Variants in CENPI observed in about 807,000 individuals in gnomAD.
CENPI encodes the protein centromere protein I, also known as FSH primary response 1.
Under a neutral mutation model 60.4 loss-of-function variants are expected in CENPI, and 4 were observed. The ratio of observed to expected loss-of-function variants is 0.07; its 90% confidence interval spans 0.03 to 0.15. The LOEUF is 0.15. Ranked by LOEUF, CENPI falls within the 10% of genes least tolerant of loss-of-function variation. The probability of loss-of-function intolerance (pLI) is 1.00; values close to 1 mark genes in which losing one functional copy is unlikely to be tolerated. For missense variants in CENPI, 444 were observed against 534.5 expected (o/e 0.83, Z 1.67); for synonymous variants, 157 against 189.4 (o/e 0.83, Z 1.40).
At chrX:101,154,875 T>TTA (rs890206788) in intron 20 of CENPI, among the ~76,000 whole-genome samples, 1 of 111,911 alleles carries the variant, frequency 8.9e-6, no homozygotes, top group African/African-American at 3.2e-5. Flanking sequence ...CTTATTGCTA[T>TTA]TATATAGAAA....
intron 16 of CENPI, among the ~76,000 whole-genome samples, chrX:101,144,766 A>G (rs142623300): frequency 0.017 from 1,896 of 110,973 alleles, 24 homozygotes; most frequent in Middle Eastern, 0.046. Flanking sequence ...TGGTTTTTAT[A>G]TATCTCACTT....
intron 12 of CENPI, 67 bp from the exon 13 acceptor site, chrX:101,129,914 TA>T: frequency 1.4e-6 from 1 of 728,248 alleles, no homozygotes; most frequent in Non-Finnish European, 2.1e-6. Context: ...ACTTTAGTGA[TA>T]ATTATGTTTT....
At chrX:101,115,720 C>T (rs1165741124) in intron 6 of CENPI, among the ~76,000 whole-genome samples, 1 of 111,929 alleles carries the variant, frequency 8.9e-6, no homozygotes, top group Non-Finnish European at 1.9e-5. Flanking sequence ...ATTACATTCA[C>T]AGTGTCATGC....
chrX:101,159,657 T>C (rs2090088647), intron 20 of CENPI, among the ~76,000 whole-genome samples: 1 of 110,671 alleles, frequency 9.0e-6, no homozygotes, highest in Admixed American at 9.7e-5. Context: ...AGACGGGGTT[T>C]CACCATGTTG....
chrX:101,104,921 G>A (rs1194787464), intron 4 of CENPI, among the ~76,000 whole-genome samples: 1 of 110,432 alleles, frequency 9.1e-6, no homozygotes, highest in Non-Finnish European at 1.9e-5. Flanking sequence ...AGTATTTCCT[G>A]GCTGTTGCAT....
chrX:101,102,496 T>TACACACAC (rs35162075), intron 4 of CENPI, 85 bp downstream of exon 4: 3 of 251,665 alleles, frequency 1.2e-5, no homozygotes, highest in Non-Finnish European at 2.1e-5. Context: ...TATATATATA[T>TACACACAC]ACACACACAC....
At chrX:101,126,934 GTT>G in intron 9 of CENPI, 136 bp downstream of exon 9, 1 of 641,630 alleles carries the variant, frequency 1.6e-6, no homozygotes, top group Non-Finnish European at 2.3e-6. Flanking sequence ...TTTTGGGAAA[GTT>G]TTTTTTTAGG....
intron 20 of CENPI, among the ~76,000 whole-genome samples, chrX:101,155,227 T>G (rs1013954962): frequency 9.0e-6 from 1 of 111,364 alleles, no homozygotes; most frequent in East Asian, 2.8e-4. Context: ...CTTGCTCTTC[T>G]TGCCCAGGCT....
the CENPI span, among the ~76,000 whole-genome samples, chrX:101,178,002 C>G: frequency 1.8e-5 from 2 of 111,835 alleles, no homozygotes; most frequent in Admixed American, 1.9e-4. Context: ...AGCCCCCTCT[C>G]TGGAGCCGTG....
At chrX:101,137,471 A>G (rs1370858368) in intron 15 of CENPI, among the ~76,000 whole-genome samples, 1 of 111,382 alleles carries the variant, frequency 9.0e-6, no homozygotes, top group Non-Finnish European at 1.9e-5. Flanking sequence ...GGTTTGGGAG[A>G]TGATACTAGA....
intron 15 of CENPI, 57 bp from the exon 16 acceptor site, chrX:101,140,609 G>A (rs1313288822): frequency 8.0e-6 from 7 of 879,512 alleles, no homozygotes; most frequent in Non-Finnish European, 1.2e-5. Context: ...TGTTAGTTCT[G>A]AACACTGTTA....
chrX:101,155,096 C>CA (rs1034816239), intron 20 of CENPI, among the ~76,000 whole-genome samples: 31 of 108,260 alleles, frequency 2.9e-4, no homozygotes, highest in East Asian at 8.6e-4. Context: ...GGTACTATGT[C>CA]AAAAAAAAAT....
intron 15 of CENPI, 83 bp downstream of exon 15, chrX:101,132,539 G>A: frequency 2.4e-6 from 2 of 831,355 alleles, no homozygotes; most frequent in Non-Finnish European, 1.7e-6. Context: ...TGATATTACA[G>A]CAATGGTTTT....
At chrX:101,152,486 G>A (rs942702293) in intron 20 of CENPI, among the ~76,000 whole-genome samples, 1 of 110,004 alleles carries the variant, frequency 9.1e-6, no homozygotes, top group East Asian at 2.9e-4. Flanking sequence ...GTGCCATCCC[G>A]GCTTACTGCA....
the CENPI span, among the ~76,000 whole-genome samples, chrX:101,181,543 T>C: frequency 8.9e-6 from 1 of 112,585 alleles, no homozygotes; most frequent in East Asian, 2.8e-4. Context: ...TATTTTATTA[T>C]TTTCGATGCT....
chrX:101,169,311 T>C (rs1012164221), downstream of CENPI, among the ~76,000 whole-genome samples: 2 of 112,376 alleles, frequency 1.8e-5, no homozygotes, highest in Non-Finnish European at 3.8e-5. Flanking sequence ...CAAGGAAATA[T>C]AAGCAAATCA....
At position 101,165,235 on chromosome X, in the gene CENPI, T is replaced by C. The variant is rs1012311628; in HGVS notation, c.*2268T>C. The stretch of plus-strand genomic sequence containing the variant: ...TAATTTGATTTACCTTTATGAAATA[T>C]GGAGCTACAATGTCAAGGTTAGACT... On this transcript the variant is annotated 3_prime_UTR_variant, in exon 22 of 22. Coordinates refer to ENST00000682095, the MANE Select transcript of CENPI (RefSeq NM_001386188.2). Among the ~76,000 whole-genome samples, 9 of 111,811 alleles carry C rather than the reference T, an allele frequency of 8.0e-5. No homozygotes were observed. The highest frequency in any genetic ancestry group is 2.9e-4 in the African/African-American group (9 of 30,728).
intron 21 of CENPI, among the ~76,000 whole-genome samples, chrX:101,161,887 A>G (rs2090110974): frequency 8.9e-6 from 1 of 111,750 alleles, no homozygotes; most frequent in African/African-American, 3.3e-5. Flanking sequence ...CATGCCTGCA[A>G]TCCCAGCACT....
intron 8 of CENPI, among the ~76,000 whole-genome samples, chrX:101,123,446 G>A (rs1408842625): frequency 9.0e-6 from 1 of 111,536 alleles, no homozygotes; most frequent in African/African-American, 3.3e-5. Flanking sequence ...CCTAAGGGTT[G>A]GTTCTCCCTC....
Sources: gnomAD v4.1 joint callset for allele counts (sites outside exome capture counted in the v4.1 genomes callset) on GRCh38, gnomAD v4.1.1 for gene constraint, MANE v1.5 for transcripts, NCBI Gene and HGNC (gene_info 2026-07-23, HGNC 2026-07-21) for gene names.